The following PRUNE2 variants were observed in gnomAD, a reference collection of about 807,000 sequenced individuals.
PRUNE2 encodes protein prune homolog 2.
Under a neutral mutation model 252.0 loss-of-function variants are expected in PRUNE2, and 164 were observed. The observed-to-expected ratio is 0.65, with a 90% confidence interval of 0.57 to 0.74. The LOEUF is 0.74. PRUNE2 is among the 30% of genes least tolerant of loss of function. The pLI, the probability that PRUNE2 is intolerant of heterozygous loss-of-function variation, is 0.00. For missense variants in PRUNE2, 3,495 were observed against 3,711.0 expected, an observed-to-expected ratio of 0.94 and a Z score of 1.51; for synonymous variants, 1,292 against 1,350.2, an observed-to-expected ratio of 0.96 and a Z score of 0.94.
chr9:76,861,138 G>A (rs1258928678), intron 1 of PRUNE2, among the ~76,000 whole-genome samples: 3 of 152,174 alleles, frequency 2.0e-5, no homozygotes, highest in African/African-American at 4.8e-5. Context: ...GAGCAGCAGG[G>A]GCCACAGGGA....
intron 9 of PRUNE2, among the ~76,000 whole-genome samples, chr9:76,694,744 T>C (rs2045213782): frequency 7.0e-6 from 1 of 142,804 alleles, no homozygotes; most frequent in Non-Finnish European, 1.6e-5. Flanking sequence ...TTTTATTCAT[T>C]ATACAAAGGC....
chr9:76,698,609 A>G (rs519983), intron 9 of PRUNE2, among the ~76,000 whole-genome samples: 76,219 of 151,804 alleles, frequency 0.5, 20,700 homozygotes, highest in Middle Eastern at 0.72. Context: ...CCCATTATCC[A>G]ACACTGAGAG....
At chr9:76,684,305 T>A (rs912620875) in intron 9 of PRUNE2, among the ~76,000 whole-genome samples, 1 of 152,194 alleles carries the variant, frequency 6.6e-6, no homozygotes, top group Non-Finnish European at 1.5e-5. Flanking sequence ...CTGAGGCTAC[T>A]TTTTGAAAAA....
chr9:76,799,052 G>A (rs2056341297), intron 6 of PRUNE2, among the ~76,000 whole-genome samples: 1 of 151,942 alleles, frequency 6.6e-6, no homozygotes, highest in Non-Finnish European at 1.5e-5. Context: ...TAAGATCAGT[G>A]ATTTTTGGCC....
intron 9 of PRUNE2, among the ~76,000 whole-genome samples, chr9:76,683,330 T>C (rs555794804): frequency 1.2e-4 from 19 of 152,264 alleles, no homozygotes; most frequent in African/African-American, 4.6e-4. Flanking sequence ...TGAGGGCCTA[T>C]GGAGAGAGGA....
chr9:76,886,537 G>A (rs1484979967), intron 1 of PRUNE2, among the ~76,000 whole-genome samples: 8 of 152,218 alleles, frequency 5.3e-5, no homozygotes, highest in East Asian at 1.9e-4. Flanking sequence ...ACTGACTTCC[G>A]GACAGAAGCC....
chr9:76,867,614 G>A (rs748609815), intron 1 of PRUNE2, among the ~76,000 whole-genome samples: 1 of 152,146 alleles, frequency 6.6e-6, no homozygotes, highest in Non-Finnish European at 1.5e-5. Context: ...TGTCCCTAAG[G>A]CTGGAGCGCG....
chr9:76,847,491 AG>A (rs991027904), intron 3 of PRUNE2, among the ~76,000 whole-genome samples: 1 of 152,140 alleles, frequency 6.6e-6, no homozygotes, highest in Non-Finnish European at 1.5e-5. Context: ...AGGCACAAAG[AG>A]GTTAAGAAAT....
Position 76,854,104 on chromosome 9 carries a change from C to G in PRUNE2, c.141G>C (p.Lys47Asn). ...GGAGTATTACCCTTTTTTCCCTCACCTTGTCTAGAAAGTAAGCATATGTGA... is the reference window on the plus strand; with the variant it reads ...GGAGTATTACCCTTTTTTCCCTCACGTTGTCTAGAAAGTAAGCATATGTGA... ...STFTYAYFLD[K>N]VSPPGVLCLP... The change falls in exon 2 of 19, where the codon AAG (lysine) becomes AAC (asparagine). Residue 47 changes from lysine (K) to asparagine (N), a missense_variant and splice_region_variant. Coordinates refer to ENST00000376718, the MANE Select transcript of PRUNE2 (RefSeq NM_015225.3). 1 of 1,528,334 alleles carries G rather than the reference C, an allele frequency of 6.5e-7. No homozygotes were observed. The highest frequency in any genetic ancestry group is 9.0e-7 in the Non-Finnish European group (1 of 1,113,802). 94.7% of individuals were successfully genotyped at this position (1,528,334 alleles called of 1,614,324 possible).
At chr9:76,627,217 TA>T (rs1477868686) in intron 16 of PRUNE2, among the ~76,000 whole-genome samples, 5 of 149,456 alleles carry the variant, frequency 3.3e-5, no homozygotes, top group African/African-American at 9.7e-5. Context: ...CCTACCACTT[TA>T]ATCTCTTGAG....
intron 6 of PRUNE2, among the ~76,000 whole-genome samples, chr9:76,723,580 A>G (rs192344138): frequency 1.9e-4 from 29 of 152,324 alleles, no homozygotes; most frequent in East Asian, 1.3e-3. Flanking sequence ...TACAACTATG[A>G]AAGGCAATCA....
chr9:76,631,973 G>A (rs2132421227), intron 15 of PRUNE2, among the ~76,000 whole-genome samples: 1 of 152,312 alleles, frequency 6.6e-6, no homozygotes, highest in South Asian at 2.1e-4. Flanking sequence ...CAAAGGAAGT[G>A]ATTTAGTTCT....
chr9:76,652,907 T>C (rs1011725933), intron 10 of PRUNE2, among the ~76,000 whole-genome samples: 12 of 152,092 alleles, frequency 7.9e-5, no homozygotes, highest in African/African-American at 2.9e-4. Context: ...AAATCCAAAA[T>C]CTGAAACACT....
chr9:76,799,428 T>C (rs1408887403), intron 6 of PRUNE2, among the ~76,000 whole-genome samples: 1 of 152,130 alleles, frequency 6.6e-6, no homozygotes, highest in Non-Finnish European at 1.5e-5. Flanking sequence ...GATCAATATG[T>C]AAAATTTATT....
intron 1 of PRUNE2, among the ~76,000 whole-genome samples, chr9:76,871,105 G>A (rs1353102384): frequency 6.6e-6 from 1 of 152,136 alleles, no homozygotes; most frequent in Non-Finnish European, 1.5e-5. Flanking sequence ...CTAGAATGAG[G>A]ATCACCAAAG....
At position 76,648,879 on chromosome 9, in the gene PRUNE2, T is replaced by G. The variant is rs145294876; in HGVS notation, c.8557+3604A>C. 4.1e-4 allele frequency among the ~76,000 whole-genome samples: 62 copies of G among 152,358 alleles called. 1 individual carries two copies. The highest frequency in any genetic ancestry group is 1.4e-3 in the African/African-American group (60 of 41,580). ...CATCTGGACATAAATTTGATATTAC[T>G]TTCTATGTACTGTTTCAAAATATAC... On this transcript the variant is annotated intron_variant, in intron 11 of 18. Coordinates refer to ENST00000376718, the MANE Select transcript of PRUNE2 (RefSeq NM_015225.3).
In PRUNE2 at chr9:76,781,936, C is replaced by T. The variant is rs141669419; in HGVS notation, c.756+41696G>A. On this transcript the variant is annotated intron_variant, in intron 6 of 18. Coordinates refer to ENST00000376718, the MANE Select transcript of PRUNE2 (RefSeq NM_015225.3). The stretch of plus-strand genomic sequence containing the variant: ...ATAGAAAGCATTGGGAAAGCCTGGC[C>T]GGGCGCGGTGGCTCACGCCTGTAAT... 5.1e-4 allele frequency among the ~76,000 whole-genome samples: 78 copies of T among 151,874 alleles called. No individual in the cohort carries two copies. The Middle Eastern group carries it at 0.014, about 26-fold the overall frequency.
At chr9:76,655,359 C>G in intron 10 of PRUNE2, 64 bp downstream of exon 10, 1 of 1,143,522 alleles carries the variant, frequency 8.7e-7, no homozygotes, top group Non-Finnish European at 1.3e-6. Context: ...AATTCTTTCA[C>G]TGAATAATGA....
At chr9:76,880,111 C>T (rs960248591) in intron 1 of PRUNE2, among the ~76,000 whole-genome samples, 1 of 151,496 alleles carries the variant, frequency 6.6e-6, no homozygotes, top group Non-Finnish European at 1.5e-5. Flanking sequence ...GACAGAGTTT[C>T]ACCGTGTTAG....
Sources: gnomAD v4.1 joint callset for allele counts (sites outside exome capture counted in the v4.1 genomes callset) on GRCh38, gnomAD v4.1.1 for gene constraint, MANE v1.5 for transcripts, NCBI Gene and HGNC (gene_info 2026-07-23, HGNC 2026-07-21) for gene names.